The following GCSAML variants were observed in gnomAD, a reference collection of about 807,000 sequenced individuals.
GCSAML encodes germinal center-associated signaling and motility-like protein.
Under a neutral mutation model 13.0 loss-of-function variants are expected in GCSAML, and 9 were observed. The observed-to-expected ratio is 0.69, with a 90% CI of 0.42 to 1.21. The LOEUF (loss-of-function observed/expected upper bound fraction) is 1.21, where lower values mean the gene tolerates loss of function less well. GCSAML is among the 50% of genes most tolerant of loss of function. GCSAML has a pLI of 0.00. For synonymous variants in GCSAML, 37 were observed against 52.9 expected, an observed-to-expected ratio of 0.70 and a Z score of 1.31; for missense variants, 143 against 153.4, an observed-to-expected ratio of 0.93 and a Z score of 0.36.
chr1:247,542,097 C>T (rs1428978885), intron 2 of GCSAML, among the ~76,000 whole-genome samples: 1 of 151,428 alleles, frequency 6.6e-6, no homozygotes, highest in Admixed American at 6.6e-5. Context: ...TTTCATACCG[C>T]AACTAATTTA....
At chr1:247,539,456 C>T (rs1039895114) in intron 2 of GCSAML, among the ~76,000 whole-genome samples, 2 of 152,118 alleles carry the variant, frequency 1.3e-5, no homozygotes, top group Non-Finnish European at 1.5e-5. Flanking sequence ...CTTAAGCAAT[C>T]GTTACCACAG....
chr1:247,538,030 T>G (rs1055397135), intron 2 of GCSAML, among the ~76,000 whole-genome samples: 3 of 152,212 alleles, frequency 2.0e-5, no homozygotes, highest in Non-Finnish European at 2.9e-5. Flanking sequence ...TGTTGTTGTT[T>G]TTGGTTTTCA....
chr1:247,516,921 A>G (rs1034551190), intron 1 of GCSAML, among the ~76,000 whole-genome samples: 23 of 152,318 alleles, frequency 1.5e-4, no homozygotes, highest in African/African-American at 5.3e-4. Flanking sequence ...ATGGGTGTCT[A>G]TTTAATAATG....
chr1:247,569,067 C>T (rs1668496803), intron 4 of GCSAML, among the ~76,000 whole-genome samples: 1 of 152,150 alleles, frequency 6.6e-6, no homozygotes, highest in Admixed American at 6.5e-5. Context: ...TATCCTGAGA[C>T]TTTGCTGAAG....
In GCSAML at chr1:247,575,007, C is replaced by G. The variant is rs1668781227; in HGVS notation, c.*625C>G. 6.5e-6 allele frequency: 1 copy of G among 153,052 alleles called. No individual in the cohort carries two copies. Among genetic ancestry groups the G allele is most frequent in the South Asian group, 2.1e-4 (1 of 4,856 alleles). 9.5% of individuals were successfully genotyped at this position (153,052 alleles called of 1,614,324 possible). The stretch of plus-strand genomic sequence containing the variant: ...TTTATTTTAGCTAAAGCATTCTTTT[C>G]TACTGACTTCTTAAGTCTTTAGACA... On this transcript the variant is annotated 3_prime_UTR_variant, in exon 5 of 5. Coordinates refer to ENST00000366488, the MANE Select transcript of GCSAML (RefSeq NM_145278.5).
At chr1:247,540,220 A>G (rs1247492787) in intron 2 of GCSAML, among the ~76,000 whole-genome samples, 1 of 152,132 alleles carries the variant, frequency 6.6e-6, no homozygotes. Context: ...TTTAGTAGAG[A>G]TGGGGTTTCA....
chr1:247,531,496 G>T, intron 2 of GCSAML: 2 of 1,563,386 alleles, frequency 1.3e-6, no homozygotes, highest in Non-Finnish European at 1.7e-6. Context: ...GTCTTCCAAG[G>T]TCACTTTGCT....
intron 1 of GCSAML, among the ~76,000 whole-genome samples, chr1:247,512,574 T>G (rs545274971): frequency 6.6e-6 from 1 of 152,256 alleles, no homozygotes; most frequent in South Asian, 2.1e-4. Flanking sequence ...TGTGATCCTT[T>G]GGAGGAGAAG....
intron 2 of GCSAML, among the ~76,000 whole-genome samples, chr1:247,557,756 C>A (rs1668004038): frequency 6.6e-6 from 1 of 152,174 alleles, no homozygotes; most frequent in African/African-American, 2.4e-5. Flanking sequence ...CCGACTCCCC[C>A]CACTCCCCTT....
intron 2 of GCSAML, among the ~76,000 whole-genome samples, chr1:247,557,599 A>T (rs1003672030): frequency 6.6e-6 from 1 of 152,134 alleles, no homozygotes; most frequent in African/African-American, 2.4e-5. Flanking sequence ...TCTGTTGGTG[A>T]TGTGAAATGA....
At chr1:247,545,329 T>C (rs1667533678), upstream of GCSAML, among the ~76,000 whole-genome samples, 1 of 152,254 alleles carries the variant, frequency 6.6e-6, no homozygotes, top group South Asian at 2.1e-4. Flanking sequence ...GATTTAATAT[T>C]ACAAATATGT....
At chr1:247,558,636 C>A (rs1279011465) in intron 2 of GCSAML, among the ~76,000 whole-genome samples, 1 of 151,866 alleles carries the variant, frequency 6.6e-6, no homozygotes, top group East Asian at 1.9e-4. Flanking sequence ...TTTTGCTTTC[C>A]TTAGTTTTTT....
In GCSAML at chr1:247,517,351, T is replaced by G. The variant is rs190304319; in HGVS notation, c.-262-9589T>G. Among the ~76,000 whole-genome samples the G allele has an allele frequency of 7.9e-5, 12 of 152,326 alleles. No individual in the cohort carries two copies. In the East Asian group the frequency reaches 2.3e-3, roughly 29 times the overall value. ...TCCTATCTAAACCTGCAGTTCACAG[T>G]GCAAGGTCGGCACAGAGTGTGAGAC... is the stretch of plus-strand genomic sequence containing the variant. On this transcript the variant is annotated intron_variant, in intron 1 of 5. Coordinates refer to the GCSAML transcript ENST00000366489.
At chr1:247,558,203 A>G (rs1432618326) in intron 2 of GCSAML, among the ~76,000 whole-genome samples, 2 of 152,232 alleles carry the variant, frequency 1.3e-5, no homozygotes, top group Non-Finnish European at 1.5e-5. Flanking sequence ...GCAGTCAAAT[A>G]TGTGTTGCAT....
intron 2 of GCSAML, among the ~76,000 whole-genome samples, chr1:247,541,797 G>A (rs1435951941): frequency 6.6e-6 from 1 of 151,984 alleles, no homozygotes; most frequent in Non-Finnish European, 1.5e-5. Flanking sequence ...ATCACTTGAG[G>A]TCAGGAGTTT....
chr1:247,574,070 G>GAGTATAAA, intron 4 of GCSAML, 73 bp from the exon 5 acceptor site: 1 of 1,545,100 alleles, frequency 6.5e-7, no homozygotes, highest in Non-Finnish European at 8.8e-7. Context: ...AAAGAAGAAG[G>GAGTATAAA]GAAGGTAGTA....
At chr1:247,507,713 C>T (rs1665878820) in intron 1 of GCSAML, among the ~76,000 whole-genome samples, 1 of 151,562 alleles carries the variant, frequency 6.6e-6, no homozygotes, top group African/African-American at 2.4e-5. Flanking sequence ...TGATGTTCCC[C>T]TCCTTGTGTC....
chr1:247,540,251 T>G (rs146715141), intron 2 of GCSAML, among the ~76,000 whole-genome samples: 7,075 of 152,242 alleles, frequency 0.046, 523 homozygotes, highest in African/African-American at 0.16. Context: ...CAGGCTGGTC[T>G]CGAACTCCTG....
chr1:247,574,098 G>A, intron 4 of GCSAML, 45 bp from the exon 5 acceptor site: 1 of 1,605,646 alleles, frequency 6.2e-7, no homozygotes, highest in East Asian at 2.2e-5. Flanking sequence ...TTCAATTTAT[G>A]AATGACCGTG....
Sources: allele counts gnomAD v4.1 joint callset (sites outside exome capture counted in the v4.1 genomes callset), GRCh38; gene constraint gnomAD v4.1.1; transcripts MANE v1.5; gene names NCBI Gene and HGNC (gene_info 2026-07-23, HGNC 2026-07-21).